The following CHN1 variants were observed in gnomAD, a reference collection of about 807,000 sequenced individuals.
CHN1 encodes the protein chimerin 1, also known as N-chimaerin.
CHN1 carries 37 observed loss-of-function variants against 59.5 expected under a neutral mutation model. That is an observed-to-expected ratio of 0.62 (90% CI 0.48 to 0.82). The LOEUF is 0.82. Among genes scored for constraint, CHN1 ranks in the 40% least tolerant of loss-of-function variants. The pLI, the probability that CHN1 is intolerant of heterozygous loss-of-function variation, is 0.00. For missense variants in CHN1, 469 were observed against 571.0 expected, an observed-to-expected ratio of 0.82 and a Z score of 1.82; for synonymous variants, 206 against 200.4, an observed-to-expected ratio of 1.03 and a Z score of -0.24.
chr2:174,831,241 G>A (rs1685869913), intron 7 of CHN1, among the ~76,000 whole-genome samples: 1 of 152,072 alleles, frequency 6.6e-6, no homozygotes. Flanking sequence ...TTCAATATTG[G>A]CCTTATTAAC....
At chr2:174,852,575 C>T (rs879203263) in intron 6 of CHN1, among the ~76,000 whole-genome samples, 3 of 151,910 alleles carry the variant, frequency 2.0e-5, no homozygotes, top group African/African-American at 7.3e-5. Flanking sequence ...ATTAGAAAAA[C>T]CTATTCTAAA....
Position 174,889,881 on chromosome 2 carries a change from ATG to A in CHN1, c.261-11755_261-11754del, listed in dbSNP as rs111371037. On this transcript the variant is annotated intron_variant, in intron 5 of 12. Transcript: ENST00000409900. Reference sequence around the variant, plus strand: ...AGAATTCTAACCAGAATAAATAAATATGTGTGTGTGTGTGTGTGTGCACGCGT... The same window carrying A: ...AGAATTCTAACCAGAATAAATAAATATGTGTGTGTGTGTGTGTGCACGCGT... 2.4e-3 allele frequency among the ~76,000 whole-genome samples: 351 copies of A among 149,182 alleles called. 6 individuals carry two copies. The highest frequency in any genetic ancestry group is 8.9e-3 in the East Asian group (45 of 5,064).
At chr2:174,990,644 T>A (rs1198414705) in intron 1 of CHN1, among the ~76,000 whole-genome samples, 1 of 152,214 alleles carries the variant, frequency 6.6e-6, no homozygotes, top group East Asian at 1.9e-4. Flanking sequence ...CTTTTCTTGT[T>A]CTTTTGAAAT....
intron 3 of CHN1, among the ~76,000 whole-genome samples, chr2:174,925,604 C>T (rs1423401251): frequency 6.6e-6 from 1 of 152,196 alleles, no homozygotes; most frequent in African/African-American, 2.4e-5. Flanking sequence ...CCAGAGGCTT[C>T]ATCTACATAA....
At chr2:174,935,613 T>A (rs1213071062) in intron 3 of CHN1, among the ~76,000 whole-genome samples, 3 of 152,024 alleles carry the variant, frequency 2.0e-5, no homozygotes, top group African/African-American at 7.2e-5. Flanking sequence ...TATAAGTAGG[T>A]CTTTAGAAAA....
Position 174,993,868 on chromosome 2 carries a change from G to A in CHN1, c.19+11026C>T, listed in dbSNP as rs372592031. ...AAGGTTTTTTAATCCATTTAAAAAT[G>A]TTAATGTTTAAACTGCTGTTTATAT... On this transcript the variant is annotated intron_variant, in intron 1 of 12. Transcript: ENST00000409900. 4.6e-5 allele frequency among the ~76,000 whole-genome samples: 7 copies of A among 152,274 alleles called. No individual in the cohort carries two copies. The East Asian group carries it at 1.3e-3, about 29-fold the overall frequency.
chr2:174,897,423 T>TTG (rs373042316), intron 5 of CHN1, among the ~76,000 whole-genome samples: 6,134 of 148,130 alleles, frequency 0.041, 357 homozygotes, highest in African/African-American at 0.13. Flanking sequence ...CTCTGTGTGC[T>TTG]TGTGTGTGTG....
chr2:174,846,277 A>G (rs1686510837), intron 7 of CHN1: 1 of 1,532,114 alleles, frequency 6.5e-7, no homozygotes, highest in Admixed American at 2.1e-5. Flanking sequence ...TTGATAAACC[A>G]CATTAACACA....
chr2:174,939,664 T>C (rs1689599296), intron 3 of CHN1, among the ~76,000 whole-genome samples: 1 of 152,214 alleles, frequency 6.6e-6, no homozygotes, highest in Non-Finnish European at 1.5e-5. Context: ...AAAAAGTATG[T>C]GTGAACAGAA....
chr2:174,849,746 C>G (rs115476031), intron 6 of CHN1, among the ~76,000 whole-genome samples: 1,965 of 152,278 alleles, frequency 0.013, 16 homozygotes, highest in Middle Eastern at 0.037. Flanking sequence ...ACTGAATCCA[C>G]AGATAAACCC....
chr2:174,917,849 A>G (rs1688892227), intron 4 of CHN1, among the ~76,000 whole-genome samples: 5 of 152,148 alleles, frequency 3.3e-5, no homozygotes, highest in Admixed American at 3.3e-4. Context: ...TGATGAGATT[A>G]TGAGTGATTT....
At chr2:174,847,736 C>G (rs1375935435) in intron 6 of CHN1, 1 of 803,022 alleles carries the variant, frequency 1.2e-6, no homozygotes, top group Admixed American at 2.4e-5. Context: ...CTGTTTCTCC[C>G]TCCTCTCATG....
intron 6 of CHN1, among the ~76,000 whole-genome samples, chr2:174,849,177 G>A (rs1686644105): frequency 6.6e-6 from 1 of 152,026 alleles, no homozygotes. Context: ...CTATTTTATA[G>A]ATCATTCCTG....
At chr2:174,933,920 G>C (rs1291204300) in intron 3 of CHN1, among the ~76,000 whole-genome samples, 1 of 152,172 alleles carries the variant, frequency 6.6e-6, no homozygotes, top group African/African-American at 2.4e-5. Context: ...GAAGTTTGTG[G>C]AAGTTCTCTT....
intron 8 of CHN1, among the ~76,000 whole-genome samples, chr2:174,817,272 A>G (rs763545977): frequency 2.0e-5 from 3 of 152,154 alleles, no homozygotes; most frequent in Non-Finnish European, 4.4e-5. Flanking sequence ...ATAGATATCT[A>G]TATATATAAT....
intron 3 of CHN1, among the ~76,000 whole-genome samples, chr2:174,943,475 T>G (rs1689735022): frequency 6.6e-6 from 1 of 152,144 alleles, no homozygotes. Flanking sequence ...TCTGCCTGCC[T>G]CAGCCTCCCA....
intron 5 of CHN1, among the ~76,000 whole-genome samples, chr2:174,878,970 A>C (rs569549059): frequency 2.6e-4 from 40 of 152,370 alleles, no homozygotes; most frequent in South Asian, 1.2e-3. Flanking sequence ...CCTTGCAGGA[A>C]GACACAGGCA....
Position 174,838,025 on chromosome 2 carries a change from A to G in CHN1, c.627+8855T>C, listed in dbSNP as rs190491520. ...CATAGACAATAATTGAAGCAAGATG[A>G]TAAGACATGTACGTATTCTTTAGGT... On this transcript the variant is annotated intron_variant, in intron 7 of 12. Coordinates refer to ENST00000409900, the MANE Select transcript of CHN1 (RefSeq NM_001822.7). Among the ~76,000 whole-genome samples, 171 of 152,358 alleles carry G rather than the reference A, an allele frequency of 1.1e-3. 1 individual carries two copies. The South Asian group carries it at 0.015, about 14-fold the overall frequency.
intron 8 of CHN1, among the ~76,000 whole-genome samples, chr2:174,819,023 T>TC (rs1490537623): frequency 1.3e-5 from 2 of 152,066 alleles, no homozygotes; most frequent in Non-Finnish European, 2.9e-5. Context: ...TCGTTTTTTT[T>TC]CCCCCAGGAA....
Sources: allele counts gnomAD v4.1 joint callset (sites outside exome capture counted in the v4.1 genomes callset), GRCh38; gene constraint gnomAD v4.1.1; transcripts MANE v1.5; gene names NCBI Gene and HGNC (gene_info 2026-07-23, HGNC 2026-07-21).